Variants in FER observed in about 807,000 individuals in gnomAD.
FER encodes the protein tyrosine-protein kinase Fer.
Under a neutral mutation model 111.0 loss-of-function variants are expected in FER, and 63 were observed. The ratio of observed to expected loss-of-function variants is 0.57; its 90% CI spans 0.46 to 0.70. The LOEUF (loss-of-function observed/expected upper bound fraction) is 0.70, where lower values mean the gene tolerates loss of function less well. FER is among the 30% of genes least tolerant of loss of function. The probability of loss-of-function intolerance (pLI) is 0.00; values close to 1 mark genes in which losing one functional copy is unlikely to be tolerated. For synonymous variants in FER, 327 were observed against 313.9 expected (o/e 1.04, Z -0.44); for missense variants, 914 against 954.0 (o/e 0.96, Z 0.55).
chr5:108,785,506 C>A (rs545840010), intron 2 of FER: 3 of 564,466 alleles, frequency 5.3e-6, no homozygotes, highest in Non-Finnish European at 1.1e-5. Context: ...TTGCTGGCTA[C>A]ACAGACAACC....
intron 11 of FER, among the ~76,000 whole-genome samples, chr5:108,951,045 C>A (rs543173647): frequency 6.6e-6 from 1 of 151,856 alleles, no homozygotes; most frequent in Non-Finnish European, 1.5e-5. Context: ...CTCGGGCAGG[C>A]GGATCATGAG....
chr5:109,032,066 T>A (rs1291836364), intron 13 of FER, among the ~76,000 whole-genome samples: 1 of 152,192 alleles, frequency 6.6e-6, no homozygotes, highest in Non-Finnish European at 1.5e-5. Context: ...TATCTTAAAA[T>A]TCCAGGTTCA....
intron 13 of FER, among the ~76,000 whole-genome samples, chr5:108,999,575 G>A (rs914723609): frequency 6.6e-6 from 1 of 152,080 alleles, no homozygotes; most frequent in Non-Finnish European, 1.5e-5. Context: ...AGAGTACCAA[G>A]AAGAAAGGGT....
intron 10 of FER, among the ~76,000 whole-genome samples, chr5:108,911,024 T>C (rs1427985711): frequency 2.0e-5 from 3 of 152,148 alleles, no homozygotes; most frequent in Non-Finnish European, 4.4e-5. Flanking sequence ...GTTCTATTTT[T>C]AGTTCTTTGA....
At chr5:109,092,613 T>A (rs1011274198) in intron 16 of FER, among the ~76,000 whole-genome samples, 1 of 151,704 alleles carries the variant, frequency 6.6e-6, no homozygotes, top group Non-Finnish European at 1.5e-5. Context: ...AGATAAAAAA[T>A]TTTGGAGAGG....
intron 13 of FER, among the ~76,000 whole-genome samples, chr5:108,961,201 G>A (rs1240880592): frequency 6.6e-6 from 1 of 152,090 alleles, no homozygotes; most frequent in African/African-American, 2.4e-5. Context: ...TCCAGATTAG[G>A]TTAACAAAAT....
Position 109,196,269 on chromosome 5 carries a change from A to T in FER, c.*8694A>T, listed in dbSNP as rs1759739692. On this transcript the variant is annotated 3_prime_UTR_variant, in exon 20 of 20. Transcript: ENST00000281092. ...TTTCCTTTTGATAGATGAGTTTGAGATGATGGAGTAGGAGTGGGGCCCTCA... is the reference window on the plus strand; with the variant it reads ...TTTCCTTTTGATAGATGAGTTTGAGTTGATGGAGTAGGAGTGGGGCCCTCA... The T allele has an allele frequency of 1.3e-5, 2 of 152,196 alleles. No homozygotes were observed. The highest frequency in any genetic ancestry group is 1.3e-4 in the Admixed American group (2 of 15,268). 9.4% of individuals were successfully genotyped at this position (152,196 alleles called of 1,614,324 possible).
At chr5:108,791,784 T>C (rs192308275) in intron 2 of FER, among the ~76,000 whole-genome samples, 1 of 152,250 alleles carries the variant, frequency 6.6e-6, no homozygotes, top group African/African-American at 2.4e-5. Context: ...ATTACTTGTA[T>C]GTTTTATTCT....
In FER at chr5:108,884,401, TTTC is replaced by T. The variant is rs560056060; in HGVS notation, c.1046+889_1046+891del. Among the ~76,000 whole-genome samples, 522 of 152,094 alleles carry T rather than the reference TTTC, an allele frequency of 3.4e-3. 3 individuals are homozygous for T. The highest frequency in any genetic ancestry group is 0.011 in the African/African-American group (475 of 41,524). ...TAAATTAGAAACATTGGATGACATTTTTCTTCTTTTCTGAGATTAGAGTTCCAA... is the reference window on the plus strand; with the variant it reads ...TAAATTAGAAACATTGGATGACATTTTTCTTTTCTGAGATTAGAGTTCCAA... On this transcript the variant is annotated intron_variant, in intron 9 of 19. Transcript: ENST00000281092.
At chr5:109,155,298 C>G (rs1375882744) in intron 17 of FER, among the ~76,000 whole-genome samples, 1 of 151,722 alleles carries the variant, frequency 6.6e-6, no homozygotes, top group African/African-American at 2.4e-5. Context: ...TTTTAATGAG[C>G]TGAGGTCATT....
At chr5:108,836,679 T>G (rs1760696235) in intron 5 of FER, among the ~76,000 whole-genome samples, 1 of 152,190 alleles carries the variant, frequency 6.6e-6, no homozygotes, top group Non-Finnish European at 1.5e-5. Flanking sequence ...GTAAATGAAG[T>G]AAACAGCTCC....
At chr5:108,754,577 A>C (rs1203816840) in intron 1 of FER, among the ~76,000 whole-genome samples, 2 of 152,128 alleles carry the variant, frequency 1.3e-5, no homozygotes, top group Non-Finnish European at 2.9e-5. Flanking sequence ...AAATATTATT[A>C]CACTAATTTT....
At chr5:108,984,925 G>C (rs1429373523) in intron 13 of FER, among the ~76,000 whole-genome samples, 1 of 151,734 alleles carries the variant, frequency 6.6e-6, no homozygotes, top group African/African-American at 2.4e-5. Flanking sequence ...ATAAACTTTT[G>C]GACATGGAGA....
chr5:108,811,762 G>A (rs1330908592), intron 3 of FER, among the ~76,000 whole-genome samples: 2 of 152,188 alleles, frequency 1.3e-5, no homozygotes, highest in Non-Finnish European at 2.9e-5. Flanking sequence ...TACCTCCTGT[G>A]TAAATCCCAG....
chr5:109,113,584 T>G (rs905443196), intron 17 of FER, among the ~76,000 whole-genome samples: 2 of 152,142 alleles, frequency 1.3e-5, no homozygotes, highest in African/African-American at 4.8e-5. Context: ...TGAAGTTGTT[T>G]AAATATTGTT....
chr5:109,021,288 A>C (rs914342281), intron 13 of FER, among the ~76,000 whole-genome samples: 1 of 152,076 alleles, frequency 6.6e-6, no homozygotes, highest in East Asian at 1.9e-4. Context: ...AACAGGGACT[A>C]TAATGTTGAC....
chr5:109,144,246 G>C (rs1421360069), intron 17 of FER, among the ~76,000 whole-genome samples: 1 of 152,034 alleles, frequency 6.6e-6, no homozygotes, highest in African/African-American at 2.4e-5. Context: ...ACAAGAAATT[G>C]ATTAATTTTA....
intron 16 of FER, among the ~76,000 whole-genome samples, chr5:109,085,528 T>G (rs1316365605): frequency 6.6e-6 from 1 of 151,654 alleles, no homozygotes; most frequent in African/African-American, 2.4e-5. Flanking sequence ...TTTTACTTCT[T>G]TCTTATTTTT....
intron 5 of FER, among the ~76,000 whole-genome samples, chr5:108,854,222 A>C (rs1369595353): frequency 6.6e-6 from 1 of 152,220 alleles, no homozygotes; most frequent in Non-Finnish European, 1.5e-5. Context: ...CTAATTTAAC[A>C]TTGAACTCAC....
Sources: gnomAD v4.1 joint callset for allele counts (sites outside exome capture counted in the v4.1 genomes callset) on GRCh38, gnomAD v4.1.1 for gene constraint, MANE v1.5 for transcripts, NCBI Gene and HGNC (gene_info 2026-07-23, HGNC 2026-07-21) for gene names.